Variants in FRS2 observed in about 807,000 individuals in gnomAD.
FRS2 encodes fibroblast growth factor receptor substrate 2.
Under a neutral mutation model 43.9 loss-of-function variants are expected in FRS2, and 8 were observed. The observed-to-expected ratio is 0.18, with a 90% CI of 0.11 to 0.33. The LOEUF is 0.33. Among genes scored for constraint, FRS2 ranks in the 10% least tolerant of loss-of-function variants. The pLI is 1.00. For synonymous variants in FRS2, 219 were observed against 220.3 expected (o/e 0.99, Z 0.05); for missense variants, 534 against 627.6 (o/e 0.85, Z 1.59).
At chr12:69,553,339 G>A (rs1879069530) in intron 3 of FRS2, among the ~76,000 whole-genome samples, 1 of 152,152 alleles carries the variant, frequency 6.6e-6, no homozygotes, top group Admixed American at 6.5e-5. Flanking sequence ...CCAAAGTGCT[G>A]GGATTACAGG....
intron 3 of FRS2, among the ~76,000 whole-genome samples, chr12:69,536,805 G>GT (rs1194867573): frequency 6.6e-6 from 1 of 151,996 alleles, no homozygotes; most frequent in African/African-American, 2.4e-5. Context: ...CTGGACTCAA[G>GT]TGTTCCTACT....
At position 69,577,670 on chromosome 12, in the gene FRS2, A is replaced by C. The variant is rs183925866; in HGVS notation, c.*2715A>C. The C allele has an allele frequency of 4.0e-4, 61 of 152,622 alleles. No homozygotes were observed. The highest frequency in any genetic ancestry group is 1.2e-3 in the African/African-American group (49 of 41,520). 9.5% of individuals were successfully genotyped at this position (152,622 alleles called of 1,614,324 possible). A position where few individuals can be genotyped will look rare whatever the true frequency, so the allele number is the denominator to read the frequency against. ...GCTAGGGTTGGAAACTGATATTGGT[A>C]TTACTTGTGTTTTTTCTTAGTGTGT... On this transcript the variant is annotated 3_prime_UTR_variant, in exon 9 of 9. Transcript: ENST00000549921.
At chr12:69,508,191 TAAATC>T (rs1874133224) in intron 1 of FRS2, among the ~76,000 whole-genome samples, 1 of 152,184 alleles carries the variant, frequency 6.6e-6, no homozygotes, top group Non-Finnish European at 1.5e-5. Context: ...CATTCAGACT[TAAATC>T]AACTCTACTA....
intron 1 of FRS2, among the ~76,000 whole-genome samples, chr12:69,500,211 G>A (rs1873317073): frequency 6.6e-6 from 1 of 151,290 alleles, no homozygotes; most frequent in African/African-American, 2.4e-5. Flanking sequence ...AATCTGCCCA[G>A]TAAAAAAAAC....
chr12:69,563,489 G>T (rs748555749), intron 4 of FRS2, among the ~76,000 whole-genome samples: 1 of 152,028 alleles, frequency 6.6e-6, no homozygotes, highest in Non-Finnish European at 1.5e-5. Flanking sequence ...TTTCCTGACT[G>T]GATGTCATGA....
At chr12:69,542,769 T>C (rs1047283932) in intron 3 of FRS2, among the ~76,000 whole-genome samples, 15 of 152,308 alleles carry the variant, frequency 9.8e-5, no homozygotes, top group African/African-American at 3.6e-4. Context: ...TACCTTTTAA[T>C]GTTAGAAATT....
chr12:69,533,215 C>CA lies in FRS2; in HGVS notation c.-122+1164dup, dbSNP rs557805929. Among the ~76,000 whole-genome samples, 28 of 152,206 alleles carry CA rather than the reference C, an allele frequency of 1.8e-4. No individual in the cohort carries two copies. The South Asian group carries it at 5.0e-3, about 27-fold the overall frequency. Reference sequence around the variant, plus strand: ...AGTTTAAAAAACACACATATACAGACAAAAATATAAGCAGTGAATACTGTA... The same window carrying CA: ...AGTTTAAAAAACACACATATACAGACAAAAAATATAAGCAGTGAATACTGTA... On this transcript the variant is annotated intron_variant, in intron 3 of 8. Transcript: ENST00000549921.
Position 69,577,548 on chromosome 12 carries a change from C to G in FRS2, c.*2593C>G, listed in dbSNP as rs1050278436. The stretch of plus-strand genomic sequence containing the variant: ...TAATTCTGTTGGTAGACCATGTGAT[C>G]CTTCTTTTTGGTTTTGGAAATATAA... On this transcript the variant is annotated 3_prime_UTR_variant, in exon 9 of 9. Transcript: ENST00000549921. 3.3e-5 allele frequency: 5 copies of G among 152,558 alleles called. No individual in the cohort carries two copies. The highest frequency in any genetic ancestry group is 9.7e-5 in the African/African-American group (4 of 41,448). 9.5% of individuals were successfully genotyped at this position (152,558 alleles called of 1,614,324 possible).
intron 1 of FRS2, among the ~76,000 whole-genome samples, chr12:69,508,215 G>T (rs1251648974): frequency 6.6e-6 from 1 of 152,076 alleles, no homozygotes; most frequent in Non-Finnish European, 1.5e-5. Flanking sequence ...TATTGCTGGT[G>T]TTTACAAATG....
chr12:69,519,055 T>C (rs1875357385), intron 1 of FRS2, among the ~76,000 whole-genome samples: 1 of 151,942 alleles, frequency 6.6e-6, no homozygotes, highest in Non-Finnish European at 1.5e-5. Context: ...TTTGAAGTTA[T>C]GGATTATTGC....
chr12:69,527,057 A>C (rs1264046612), intron 1 of FRS2, among the ~76,000 whole-genome samples: 1 of 152,092 alleles, frequency 6.6e-6, no homozygotes, highest in Admixed American at 6.5e-5. Flanking sequence ...CTGTGTGGCC[A>C]CCCCATTGAA....
chr12:69,521,919 G>C lies in FRS2; in HGVS notation c.-260-8946G>C, dbSNP rs190995081. On this transcript the variant is annotated intron_variant, in intron 1 of 8. Transcript: ENST00000549921. ...GTGAGCCACCGCGCCCAGCCTTGTT[G>C]AGAGTTTTTAATGTGAAGAGGTATT... is the stretch of plus-strand genomic sequence containing the variant. Among the ~76,000 whole-genome samples the C allele has an allele frequency of 3.0e-4, 46 of 152,286 alleles. 1 individual carries two copies. The East Asian group carries it at 7.9e-3, about 26-fold the overall frequency.
chr12:69,498,892 T>A (rs965892353), intron 1 of FRS2, among the ~76,000 whole-genome samples: 2 of 152,188 alleles, frequency 1.3e-5, no homozygotes. Context: ...TTATTGAGCT[T>A]CTATTATGTA....
intron 1 of FRS2, among the ~76,000 whole-genome samples, chr12:69,528,993 A>G (rs1239443946): frequency 6.6e-6 from 1 of 152,158 alleles, no homozygotes; most frequent in Non-Finnish European, 1.5e-5. Flanking sequence ...AGAGTGGTAG[A>G]TGAGGTAAGA....
chr12:69,510,871 A>G (rs1874392393), intron 1 of FRS2, among the ~76,000 whole-genome samples: 1 of 152,204 alleles, frequency 6.6e-6, no homozygotes, highest in Non-Finnish European at 1.5e-5. Flanking sequence ...GTGAATAAAA[A>G]TCAATGTAAA....
intron 1 of FRS2, among the ~76,000 whole-genome samples, chr12:69,485,943 A>T (rs1320903147): frequency 6.6e-6 from 1 of 152,134 alleles, no homozygotes; most frequent in Non-Finnish European, 1.5e-5. Context: ...AAAAAATAAC[A>T]TTTTTTTATT....
intron 4 of FRS2, among the ~76,000 whole-genome samples, chr12:69,565,323 G>C (rs891712155): frequency 6.6e-6 from 1 of 152,220 alleles, no homozygotes; most frequent in Admixed American, 6.5e-5. Context: ...TGGTTAGTGG[G>C]TGGTGAGTGA....
intron 5 of FRS2, among the ~76,000 whole-genome samples, 192 bp from the exon 6 acceptor site, chr12:69,570,139 C>A (rs1880624922): frequency 1.3e-5 from 2 of 152,208 alleles, no homozygotes; most frequent in South Asian, 4.1e-4. Flanking sequence ...TGTGTTTCTA[C>A]ATTTTGTTTC....
chr12:69,477,598 A>G (rs1228056801), intron 1 of FRS2, among the ~76,000 whole-genome samples: 1 of 150,692 alleles, frequency 6.6e-6, no homozygotes, highest in Non-Finnish European at 1.5e-5. Flanking sequence ...ACTCTTAACT[A>G]AAATTGATGC....
Sources: allele counts gnomAD v4.1 joint callset (sites outside exome capture counted in the v4.1 genomes callset), GRCh38; gene constraint gnomAD v4.1.1; transcripts MANE v1.5; gene names NCBI Gene and HGNC (gene_info 2026-07-23, HGNC 2026-07-21).